The following MARCHF10 variants were observed in gnomAD, a reference collection of about 807,000 sequenced individuals.
MARCHF10 encodes membrane associated ring-CH-type finger 10, also known as probable E3 ubiquitin-protein ligase MARCHF10.
A neutral mutation model predicts 76.2 loss-of-function variants in MARCHF10; 64 were observed. That is an observed-to-expected ratio of 0.84 (90% CI 0.69 to 1.03). The LOEUF (loss-of-function observed/expected upper bound fraction) is 1.03. Among genes scored for constraint, MARCHF10 ranks in the 50% least tolerant of loss-of-function variants. The pLI, the probability that MARCHF10 is intolerant of heterozygous loss-of-function variation, is 0.00. For missense variants in MARCHF10, 875 were observed against 958.0 expected (o/e 0.91, Z 1.14); for synonymous variants, 340 against 357.5 (o/e 0.95, Z 0.55).
chr17:62,711,404 G>T lies in MARCHF10; in HGVS notation c.2215-60C>A, dbSNP rs1176579790. The T allele has an allele frequency of 4.0e-6, 6 of 1,502,150 alleles. No homozygotes were observed. The highest frequency in any genetic ancestry group is 5.5e-6 in the Non-Finnish European group (6 of 1,083,454). The allele number at this position is 1,502,150 out of a possible 1,614,324, so 93.1% of individuals were successfully genotyped here. A position where few individuals can be genotyped will look rare whatever the true frequency, so the allele number is the denominator to read the frequency against. Reference sequence around the variant, plus strand: ...GTAAAATAGTCATGGTCTAAATTGTGGGATGCAGGGTAACAAGGCTAAGAG... The same window carrying T: ...GTAAAATAGTCATGGTCTAAATTGTTGGATGCAGGGTAACAAGGCTAAGAG... On this transcript the variant is annotated intron_variant, in intron 8 of 10. Transcript: ENST00000311269. This position sits in a 1 kb window ranked among gnomAD's most constrained non-coding sequence, Gnocchi z 4.4.
chr17:62,737,430 A>AC (rs1275418697), intron 5 of MARCHF10, 98 bp from the exon 6 acceptor site: 1 of 1,103,104 alleles, frequency 9.1e-7, no homozygotes, highest in Non-Finnish European at 1.3e-6. Context: ...AATGCAACAG[A>AC]CAAGACCTAG....
chr17:62,759,464 A>G (rs1290551017), intron 4 of MARCHF10, among the ~76,000 whole-genome samples: 1 of 152,084 alleles, frequency 6.6e-6, no homozygotes, highest in African/African-American at 2.4e-5. Context: ...AATACCATCA[A>G]TTTGATTGTT....
chr17:62,728,925 A>G (rs965524680), intron 6 of MARCHF10, among the ~76,000 whole-genome samples: 1 of 152,152 alleles, frequency 6.6e-6, no homozygotes, highest in African/African-American at 2.4e-5. Flanking sequence ...AAAAGAATAA[A>G]GTATGAAGGG....
At chr17:62,706,352 A>G (rs2089589516) in intron 9 of MARCHF10, 1 of 152,236 alleles carries the variant, frequency 6.6e-6, no homozygotes, top group Non-Finnish European at 1.5e-5. Flanking sequence ...GGACTGGGCT[A>G]GCCACTGCCT....
chr17:62,706,725 G>A (rs1322159013), intron 9 of MARCHF10, among the ~76,000 whole-genome samples: 1 of 152,080 alleles, frequency 6.6e-6, no homozygotes, highest in Non-Finnish European at 1.5e-5. Context: ...CACCATTAAC[G>A]GCACACCTGG....
At chr17:62,715,869 A>G (rs760856809) in intron 8 of MARCHF10, among the ~76,000 whole-genome samples, 3 of 152,268 alleles carry the variant, frequency 2.0e-5, no homozygotes, top group African/African-American at 4.8e-5. Context: ...TGCTCCCACC[A>G]GAAGTACAGA....
chr17:62,788,919 C>T (rs879413456), intron 2 of MARCHF10, among the ~76,000 whole-genome samples: 10 of 151,392 alleles, frequency 6.6e-5, no homozygotes, highest in East Asian at 3.9e-4. Flanking sequence ...AAAAATTAGC[C>T]GGGCGCGGTG....
In MARCHF10 at chr17:62,724,618, C is replaced by T. The variant is rs1033313370; in HGVS notation, c.2104+320G>A. 7.2e-5 allele frequency among the ~76,000 whole-genome samples: 11 copies of T among 152,244 alleles called. No individual in the cohort carries two copies. In the East Asian group the frequency reaches 1.4e-3, roughly 19 times the overall value. On this transcript the variant is annotated intron_variant, in intron 7 of 10. Coordinates refer to ENST00000311269, the MANE Select transcript of MARCHF10 (RefSeq NM_152598.4). Reference sequence around the variant, plus strand: ...GCTGACCCACTTCTATTTCCTTCCTCCTGAGAGGCGATCTTAGCATCTCTG... The same window carrying T: ...GCTGACCCACTTCTATTTCCTTCCTTCTGAGAGGCGATCTTAGCATCTCTG...
chr17:62,756,554 C>T (rs890277639), intron 4 of MARCHF10, among the ~76,000 whole-genome samples: 18 of 152,268 alleles, frequency 1.2e-4, no homozygotes, highest in Admixed American at 5.2e-4. Context: ...TTTTCTAGTC[C>T]CATCTCCTCA....
chr17:62,704,838 G>T, intron 10 of MARCHF10: 2 of 756,016 alleles, frequency 2.6e-6, no homozygotes, highest in Non-Finnish European at 3.2e-6. Context: ...GGACCCAGTT[G>T]TCACACACCG....
At chr17:62,795,245 T>TTAA (rs1419798706) in intron 2 of MARCHF10, among the ~76,000 whole-genome samples, 1 of 151,414 alleles carries the variant, frequency 6.6e-6, no homozygotes, top group Non-Finnish European at 1.5e-5. Context: ...TTTGAACACA[T>TTAA]TTAATAGAGT....
chr17:62,791,842 G>T (rs954569069), intron 2 of MARCHF10, among the ~76,000 whole-genome samples: 18 of 152,058 alleles, frequency 1.2e-4, no homozygotes, highest in African/African-American at 3.9e-4. Context: ...CGGGGCGGGT[G>T]GGGGGAGCCT....
intron 2 of MARCHF10, chr17:62,794,953 G>C (rs1275115999): frequency 2.2e-6 from 2 of 895,444 alleles, no homozygotes; most frequent in Middle Eastern, 5.7e-4. Context: ...AAAACAGTTT[G>C]AGATAGTATT....
chr17:62,715,938 C>T (rs969375181), intron 8 of MARCHF10, among the ~76,000 whole-genome samples: 1 of 152,216 alleles, frequency 6.6e-6, no homozygotes, highest in African/African-American at 2.4e-5. Flanking sequence ...AGGCCACCGA[C>T]AGTGCTGACC....
chr17:62,783,782 G>C (rs1249387632), intron 3 of MARCHF10, among the ~76,000 whole-genome samples: 3 of 152,098 alleles, frequency 2.0e-5, no homozygotes, highest in Non-Finnish European at 4.4e-5. Flanking sequence ...AGAAGAAATG[G>C]ATAAACTCCT....
intron 5 of MARCHF10, among the ~76,000 whole-genome samples, chr17:62,742,861 T>C (rs900810353): frequency 6.6e-6 from 1 of 152,058 alleles, no homozygotes; most frequent in African/African-American, 2.4e-5. Flanking sequence ...CTCAAACTCC[T>C]GGACTCAAGT....
chr17:62,766,699 T>C (rs2147987673), intron 3 of MARCHF10, among the ~76,000 whole-genome samples: 1 of 152,178 alleles, frequency 6.6e-6, no homozygotes. Context: ...GGCCATCAAA[T>C]GGAGATCATC....
chr17:62,802,050 C>T (rs889589880), intron 1 of MARCHF10, among the ~76,000 whole-genome samples: 7 of 152,068 alleles, frequency 4.6e-5, no homozygotes, highest in Non-Finnish European at 8.8e-5. Context: ...TAGAGCATGA[C>T]AAAAAGGAAA....
Position 62,711,071 on chromosome 17 carries a change from A to G in MARCHF10, c.2328+160T>C, listed in dbSNP as rs909748275. On this transcript the variant is annotated intron_variant, in intron 9 of 10. Coordinates refer to ENST00000311269, the MANE Select transcript of MARCHF10 (RefSeq NM_152598.4). This position sits in a 1 kb window ranked among gnomAD's most constrained non-coding sequence, Gnocchi z 4.4. ...CTTACTTTTCAGCCAGAGGGTCACC[A>G]TGTGTACACTTAGCAGCTGCTAAAT... Among the ~76,000 whole-genome samples, 8 of 152,146 alleles carry G rather than the reference A, an allele frequency of 5.3e-5. No individual in the cohort carries two copies. Among genetic ancestry groups the G allele is most frequent in the African/African-American group, 1.7e-4 (7 of 41,434 alleles).
Sources: gnomAD v4.1 joint callset for allele counts (sites outside exome capture counted in the v4.1 genomes callset) on GRCh38, gnomAD v4.1.1 for gene constraint, Gnocchi (gnomAD v3.1) non-coding constraint, MANE v1.5 for transcripts, NCBI Gene and HGNC (gene_info 2026-07-23, HGNC 2026-07-21) for gene names.